Variants in MAD1L1 observed in about 807,000 individuals in gnomAD.
MAD1L1 encodes mitotic arrest deficient 1 like 1.
In MAD1L1, 95 loss-of-function variants were observed where a neutral mutation model predicts 96.9. The ratio of observed to expected loss-of-function variants is 0.98; its 90% CI spans 0.83 to 1.16. MAD1L1 has a LOEUF of 1.16. Among genes scored for constraint, MAD1L1 ranks in the 50% most tolerant of loss-of-function variants. The pLI is 0.00. For synonymous variants in MAD1L1, 473 were observed against 396.6 expected (o/e 1.19, Z -2.29); for missense variants, 1,007 against 954.4 (o/e 1.06, Z -0.73).
intron 17 of MAD1L1, among the ~76,000 whole-genome samples, chr7:1,917,918 G>T (rs7789767): frequency 6.6e-6 from 1 of 152,098 alleles, no homozygotes; most frequent in African/African-American, 2.4e-5. Context: ...CGGGGACGGA[G>T]GGCGGCCCTG....
At position 2,073,814 on chromosome 7, in the gene MAD1L1, C is replaced by A. The variant is rs773140583; in HGVS notation, c.1074-4476G>T. ...CTGGCAGTGAAATCCACATCATGAA[C>A]GGAGATGGGAGAAGTGAACCAGAGC... On this transcript the variant is annotated intron_variant, in intron 11 of 18. Coordinates refer to ENST00000265854, the MANE Select transcript of MAD1L1 (RefSeq NM_001013836.2). 2.0e-5 allele frequency among the ~76,000 whole-genome samples: 3 copies of A among 152,188 alleles called. 1 individual carries two copies. The South Asian group carries it at 6.2e-4, about 31-fold the overall frequency.
At chr7:2,204,101 T>C (rs1391930349) in intron 10 of MAD1L1, among the ~76,000 whole-genome samples, 1 of 152,254 alleles carries the variant, frequency 6.6e-6, no homozygotes, top group Non-Finnish European at 1.5e-5. Context: ...TGACCCCACA[T>C]GCTGCCACTC....
In MAD1L1 at chr7:1,888,238, G is replaced by A. The variant is rs539479986; in HGVS notation, c.1998+9962C>T. On this transcript the variant is annotated intron_variant, in intron 18 of 18. Coordinates refer to ENST00000265854, the MANE Select transcript of MAD1L1 (RefSeq NM_001013836.2). ...TGTGTGTGCATGCATGCATGTATGTGGCTGCCTATGCATCTGTATGCATGG... is the reference window on the plus strand; with the variant it reads ...TGTGTGTGCATGCATGCATGTATGTAGCTGCCTATGCATCTGTATGCATGG... 1.8e-4 allele frequency among the ~76,000 whole-genome samples: 27 copies of A among 151,086 alleles called. No homozygotes were observed. In the South Asian group the frequency reaches 3.8e-3, roughly 21 times the overall value.
At chr7:2,094,263 CTCCCTCTGGATGCAGAA>C (rs1018521812) in intron 11 of MAD1L1, among the ~76,000 whole-genome samples, 4 of 152,310 alleles carry the variant, frequency 2.6e-5, no homozygotes, top group South Asian at 2.1e-4. Context: ...GTGGCCAGCA[CTCCCTCTGGATGCAGAA>C]TCCCTCTGGA....
intron 9 of MAD1L1, among the ~76,000 whole-genome samples, chr7:2,214,823 C>T (rs1386132156): frequency 6.6e-6 from 1 of 152,170 alleles, no homozygotes; most frequent in Admixed American, 6.5e-5. Flanking sequence ...AGAACACCCC[C>T]AGCACAGGGC....
At chr7:2,221,058 A>G (rs746477249) in intron 5 of MAD1L1, 1 of 1,602,378 alleles carries the variant, frequency 6.2e-7, no homozygotes, top group Non-Finnish European at 8.5e-7. Flanking sequence ...CCTAGTGCGC[A>G]GGGAGGGCTT....
At chr7:2,216,659 G>A (rs1793299947) in intron 7 of MAD1L1, among the ~76,000 whole-genome samples, 1 of 152,206 alleles carries the variant, frequency 6.6e-6, no homozygotes, top group African/African-American at 2.4e-5. Flanking sequence ...CGTCACACGT[G>A]CTCCACTCTA....
chr7:2,174,240 T>C (rs933085359), intron 10 of MAD1L1, among the ~76,000 whole-genome samples: 1 of 152,244 alleles, frequency 6.6e-6, no homozygotes. Flanking sequence ...TTCCTGCAAC[T>C]CTAGACCACA....
At chr7:2,116,007 G>A (rs528708360) in intron 11 of MAD1L1, among the ~76,000 whole-genome samples, 1 of 152,220 alleles carries the variant, frequency 6.6e-6, no homozygotes, top group African/African-American at 2.4e-5. Context: ...GTGGGAATGG[G>A]GCCCAGCCCC....
intron 17 of MAD1L1, among the ~76,000 whole-genome samples, chr7:1,917,571 T>C (rs1255048203): frequency 6.6e-6 from 1 of 152,186 alleles, no homozygotes; most frequent in African/African-American, 2.4e-5. Flanking sequence ...AATGCAACTG[T>C]GAAGAAATCC....
intron 16 of MAD1L1, among the ~76,000 whole-genome samples, chr7:1,943,296 A>G (rs961594298): frequency 7.2e-5 from 11 of 152,252 alleles, no homozygotes; most frequent in Admixed American, 6.5e-4. Context: ...CTTGTGCTTC[A>G]AAGGACGCCA....
At position 2,142,199 on chromosome 7, in the gene MAD1L1, A is replaced by G. The variant is rs1659540511; in HGVS notation, c.1073+6953T>C. On this transcript the variant is annotated intron_variant, in intron 11 of 18. Transcript: ENST00000265854. The surrounding 1 kb of genome is among the most constrained non-coding windows in gnomAD (Gnocchi z 4.7). ...AGAGACGGCTTTTCAAAGGGCCCAC[A>G]CTAGCCAAACTAACCCGAGCAGCCT... is the stretch of plus-strand genomic sequence containing the variant. Among the ~76,000 whole-genome samples, 1 of 152,200 alleles carries G rather than the reference A, an allele frequency of 6.6e-6. No homozygotes were observed. Among genetic ancestry groups the G allele is most frequent in the East Asian group, 1.9e-4 (1 of 5,190 alleles).
intron 12 of MAD1L1, among the ~76,000 whole-genome samples, chr7:2,037,066 T>C (rs6948912): frequency 0.4 from 60,564 of 151,346 alleles, 12,782 homozygotes; most frequent in African/African-American, 0.54. Context: ...CCCCACAGCA[T>C]GAGCTTCCAC....
chr7:2,101,527 C>T (rs1786780214), intron 11 of MAD1L1, among the ~76,000 whole-genome samples: 1 of 147,652 alleles, frequency 6.8e-6, no homozygotes, highest in Non-Finnish European at 1.5e-5. Context: ...GGGCTCCACT[C>T]CTAAAGGGTC....
At chr7:2,102,191 C>T (rs926016509) in intron 11 of MAD1L1, among the ~76,000 whole-genome samples, 24 of 144,580 alleles carry the variant, frequency 1.7e-4, no homozygotes, top group Admixed American at 1.3e-3. Context: ...CCACAACCAC[C>T]ATCACCACCG....
At chr7:1,965,432 G>A (rs1314986464) in intron 15 of MAD1L1, among the ~76,000 whole-genome samples, 1 of 152,220 alleles carries the variant, frequency 6.6e-6, no homozygotes, top group Non-Finnish European at 1.5e-5. Flanking sequence ...CCGCACTGGT[G>A]GGTAGGGAAC....
intron 11 of MAD1L1, among the ~76,000 whole-genome samples, chr7:2,120,941 G>A (rs1363293827): frequency 6.6e-6 from 1 of 152,212 alleles, no homozygotes; most frequent in Non-Finnish European, 1.5e-5. Context: ...TCTAGGGCAG[G>A]CGCAGACCTG....
At chr7:2,024,447 C>A (rs1782914311) in intron 12 of MAD1L1, among the ~76,000 whole-genome samples, 3 of 152,148 alleles carry the variant, frequency 2.0e-5, no homozygotes, top group Admixed American at 2.0e-4. Flanking sequence ...TTGAGCATTC[C>A]ATTACTGCCT....
At chr7:1,836,927 ACAG>A (rs1239755783) in intron 18 of MAD1L1, among the ~76,000 whole-genome samples, 3 of 152,242 alleles carry the variant, frequency 2.0e-5, no homozygotes, top group Non-Finnish European at 2.9e-5. Flanking sequence ...CTTAGATACG[ACAG>A]CAAAAGCACA....
Sources: gnomAD v4.1 joint callset for allele counts (sites outside exome capture counted in the v4.1 genomes callset) on GRCh38, gnomAD v4.1.1 for gene constraint, Gnocchi (gnomAD v3.1) non-coding constraint, MANE v1.5 for transcripts, NCBI Gene and HGNC (gene_info 2026-07-23, HGNC 2026-07-21) for gene names.